Variants in CIMIP6 observed in about 807,000 individuals in gnomAD.
CIMIP6 encodes the protein uncharacterized protein C2orf73.
At chr2:54,369,813 A>G in the CIMIP6 span, among the ~76,000 whole-genome samples, 33,973 of 152,158 alleles carry the variant, frequency 0.22, 4,027 homozygotes, top group African/African-American at 0.27. Context: ...AGTGAGGGGC[A>G]TGAAGGGCAT....
At chr2:54,361,856 A>T in the CIMIP6 span, among the ~76,000 whole-genome samples, 262 of 152,286 alleles carry the variant, frequency 1.7e-3, 1 homozygote, top group African/African-American at 6.1e-3. Flanking sequence ...TCCTCATTGG[A>T]ACAGGGATGG....
At chr2:54,353,433 A>G in the CIMIP6 span, among the ~76,000 whole-genome samples, 4 of 152,034 alleles carry the variant, frequency 2.6e-5, no homozygotes, top group Admixed American at 6.6e-5. Flanking sequence ...TATTTGTGAG[A>G]CACTCCAAAC....
chr2:54,356,191 G>A, the CIMIP6 span, among the ~76,000 whole-genome samples: 1 of 150,408 alleles, frequency 6.6e-6, no homozygotes, highest in South Asian at 2.1e-4. Context: ...GTATCTTGAT[G>A]TTTTTAATTC....
the CIMIP6 span, among the ~76,000 whole-genome samples, chr2:54,333,796 G>A: frequency 6.6e-6 from 1 of 152,152 alleles, no homozygotes; most frequent in African/African-American, 2.4e-5. Flanking sequence ...AGGAGGCTGA[G>A]GCAGGAGAAT....
At chr2:54,360,555 CAG>C in the CIMIP6 span, 11 of 1,489,778 alleles carry the variant, frequency 7.4e-6, no homozygotes, top group Admixed American at 5.4e-5. Flanking sequence ...ATTAAAAAAT[CAG>C]AATAAATTAC....
chr2:54,331,873 C>T, the CIMIP6 span, among the ~76,000 whole-genome samples: 1 of 152,214 alleles, frequency 6.6e-6, no homozygotes, highest in Non-Finnish European at 1.5e-5. Flanking sequence ...CAATGGTTCT[C>T]ACACTTGAAC....
chr2:54,343,521 A>G, the CIMIP6 span, among the ~76,000 whole-genome samples: 1 of 152,192 alleles, frequency 6.6e-6, no homozygotes, highest in Non-Finnish European at 1.5e-5. Context: ...TTAGCTAAAA[A>G]TTTGACAACT....
the CIMIP6 span, chr2:54,360,302 T>C: frequency 3.1e-6 from 5 of 1,611,902 alleles, no homozygotes; most frequent in Non-Finnish European, 4.2e-6. Flanking sequence ...GTCACGTTCA[T>C]CAGAACAGTC....
At chr2:54,356,405 G>T in the CIMIP6 span, among the ~76,000 whole-genome samples, 43,657 of 152,042 alleles carry the variant, frequency 0.29, 7,187 homozygotes, top group Non-Finnish European at 0.38. Context: ...GTGAGGGAAA[G>T]TCAAGAGCAG....
chr2:54,348,092 A>T, the CIMIP6 span, among the ~76,000 whole-genome samples: 1 of 152,202 alleles, frequency 6.6e-6, no homozygotes, highest in Admixed American at 6.5e-5. Context: ...TGCCATGTTT[A>T]ACTGGAAATC....
the CIMIP6 span, among the ~76,000 whole-genome samples, chr2:54,379,506 A>G: frequency 6.6e-6 from 1 of 151,990 alleles, no homozygotes; most frequent in Non-Finnish European, 1.5e-5. Context: ...CTCCTAGGTG[A>G]TTCTTAAGTA....
At chr2:54,340,484 A>T in the CIMIP6 span, among the ~76,000 whole-genome samples, 7 of 152,238 alleles carry the variant, frequency 4.6e-5, no homozygotes, top group Non-Finnish European at 8.8e-5. Context: ...GCACATAAGC[A>T]CTTTCACTCT....
At chr2:54,371,569 T>C in the CIMIP6 span, among the ~76,000 whole-genome samples, 3 of 152,208 alleles carry the variant, frequency 2.0e-5, no homozygotes, top group Non-Finnish European at 4.4e-5. Flanking sequence ...GTCTGGAGTT[T>C]TCCAGCAGGG....
chr2:54,352,612 T>C, the CIMIP6 span, among the ~76,000 whole-genome samples: 2 of 152,214 alleles, frequency 1.3e-5, no homozygotes, highest in East Asian at 3.8e-4. Flanking sequence ...ACATTAACTA[T>C]GGTTACCTTG....
chr2:54,378,182 C>G, the CIMIP6 span, among the ~76,000 whole-genome samples: 99 of 152,324 alleles, frequency 6.5e-4, no homozygotes, highest in African/African-American at 2.3e-3. Context: ...TGGGAACAGT[C>G]AGTAGTTTAA....
chr2:54,376,785 C>A, the CIMIP6 span, among the ~76,000 whole-genome samples: 298 of 152,342 alleles, frequency 2.0e-3, no homozygotes, highest in Non-Finnish European at 3.0e-3. Context: ...ACTGCTTGAC[C>A]ATTTGCACTG....
chr2:54,358,186 T>C, the CIMIP6 span, among the ~76,000 whole-genome samples: 1 of 152,198 alleles, frequency 6.6e-6, no homozygotes, highest in South Asian at 2.1e-4. Flanking sequence ...TGAAAAGAAT[T>C]ATGTGTTCAA....
chr2:54,336,084 AT>A, the CIMIP6 span, among the ~76,000 whole-genome samples: 1 of 152,298 alleles, frequency 6.6e-6, no homozygotes, highest in Non-Finnish European at 1.5e-5. Context: ...AATCACGAAC[AT>A]CTTTAGGGAC....
chr2:54,340,107 C>T, the CIMIP6 span, among the ~76,000 whole-genome samples: 13 of 73,980 alleles, frequency 1.8e-4, 5 homozygotes, highest in Admixed American at 7.8e-4. Flanking sequence ...GACCATGGAA[C>T]CCAGTGACTA....
Sources: gnomAD v4.1 joint callset for allele counts (sites outside exome capture counted in the v4.1 genomes callset) on GRCh38, gnomAD v4.1.1 for gene constraint, MANE v1.5 for transcripts, NCBI Gene and HGNC (gene_info 2026-07-23, HGNC 2026-07-21) for gene names.